Variants in C5orf46 observed in about 807,000 individuals in gnomAD.
The protein encoded by C5orf46 is uncharacterized protein C5orf46.
In C5orf46, 9 loss-of-function variants were observed where a neutral mutation model predicts 8.9. The observed-to-expected ratio is 1.01, with a 90% CI of 0.61 to 1.76. The LOEUF is 1.76. Ranked by LOEUF, C5orf46 falls within the 40% of genes most tolerant of loss-of-function variation. C5orf46 has a pLI of 0.00. For missense variants in C5orf46, 98 were observed against 107.8 expected, an observed-to-expected ratio of 0.91 and a Z score of 0.40; for synonymous variants, 47 against 41.4, an observed-to-expected ratio of 1.14 and a Z score of -0.52.
chr5:147,896,762 C>G lies in C5orf46; in HGVS notation c.*9+222G>C, dbSNP rs150655149. ...GGAATCAGGTCTCCAAACTTGCCAT[C>G]CTTATTCACTTCATCTCACAGCTCT... On this transcript the variant is annotated intron_variant, in intron 3 of 3. Coordinates refer to ENST00000318315, the MANE Select transcript of C5orf46 (RefSeq NM_206966.3). Among the ~76,000 whole-genome samples, 546 of 152,210 alleles carry G rather than the reference C, an allele frequency of 3.6e-3. 4 individuals carry two copies. Among genetic ancestry groups the G allele is most frequent in the African/African-American group, 0.013 (529 of 41,538 alleles).
chr5:147,901,469 G>T, intron 2 of C5orf46, 160 bp downstream of exon 2: 1 of 613,404 alleles, frequency 1.6e-6, no homozygotes, highest in East Asian at 3.0e-5. Context: ...TGATTCAGAT[G>T]CAAAATATAT....
At chr5:147,899,968 ATTC>A (rs760373746) in intron 2 of C5orf46, among the ~76,000 whole-genome samples, 17 of 152,186 alleles carry the variant, frequency 1.1e-4, no homozygotes, top group Non-Finnish European at 2.4e-4. Flanking sequence ...GCGGACAGCA[ATTC>A]TTTAGCATAT....
downstream of C5orf46, among the ~76,000 whole-genome samples, chr5:147,890,002 CCCTTCCTTCT>C (rs1757478839): frequency 6.6e-6 from 1 of 152,156 alleles, no homozygotes; most frequent in Non-Finnish European, 1.5e-5. Flanking sequence ...GGTTGAAATG[CCCTTCCTTCT>C]CCTTCTCCAT....
chr5:147,895,499 TA>T (rs932021023), intron 3 of C5orf46, among the ~76,000 whole-genome samples: 1 of 152,158 alleles, frequency 6.6e-6, no homozygotes, highest in Non-Finnish European at 1.5e-5. Context: ...CTCAGGCAGG[TA>T]AAGTGGCCTG....
chr5:147,891,811 A>C (rs917547000), downstream of C5orf46, among the ~76,000 whole-genome samples: 1 of 152,196 alleles, frequency 6.6e-6, no homozygotes, highest in Non-Finnish European at 1.5e-5. Context: ...GCAGAGTGTG[A>C]GTTGTCTGAA....
At chr5:147,901,575 T>C in intron 2 of C5orf46, 54 bp downstream of exon 2, 4 of 1,548,698 alleles carry the variant, frequency 2.6e-6, no homozygotes, top group Non-Finnish European at 3.5e-6. Context: ...GGTCATTGTG[T>C]GGTCATTATC....
chr5:147,885,994 A>C (rs1034853538), intron 2 of C5orf46: 2 of 152,216 alleles, frequency 1.3e-5, no homozygotes, highest in Non-Finnish European at 2.9e-5. Context: ...ACTATTCAAC[A>C]AAAAAGGAGA....
chr5:147,900,921 G>T (rs755218568), intron 2 of C5orf46, among the ~76,000 whole-genome samples: 26 of 152,172 alleles, frequency 1.7e-4, no homozygotes, highest in Non-Finnish European at 2.8e-4. Context: ...AACTATGTAG[G>T]CAAAAATAAT....
At chr5:147,892,235 A>G (rs538685461), downstream of C5orf46, among the ~76,000 whole-genome samples, 1 of 152,326 alleles carries the variant, frequency 6.6e-6, no homozygotes, top group Non-Finnish European at 1.5e-5. Context: ...GCTGCAGAGG[A>G]TCCACCTCTG....
At chr5:147,901,430 G>A (rs1016001591) in intron 2 of C5orf46, 199 bp downstream of exon 2, 21 of 458,992 alleles carry the variant, frequency 4.6e-5, no homozygotes, top group Non-Finnish European at 6.8e-5. Context: ...TGATGGGAAT[G>A]TCCTTTCCCC....
intron 3 of C5orf46, among the ~76,000 whole-genome samples, chr5:147,893,909 T>A (rs1470542243): frequency 4.1e-5 from 6 of 146,122 alleles, no homozygotes; most frequent in East Asian, 2.0e-4. Flanking sequence ...GAAGGCATAT[T>A]TTTTTTTTTT....
chr5:147,901,850 G>C, intron 1 of C5orf46, 77 bp from the exon 2 acceptor site: 1 of 1,495,336 alleles, frequency 6.7e-7, no homozygotes. Flanking sequence ...GGAACGCTTG[G>C]GATTCTTTCT....
intron 2 of C5orf46, chr5:147,886,656 T>C (rs1045861147): frequency 2.0e-5 from 3 of 151,314 alleles, no homozygotes; most frequent in African/African-American, 2.4e-5. Context: ...CAAACATACA[T>C]GAATGATACA....
chr5:147,899,890 G>A (rs899505141), intron 2 of C5orf46, among the ~76,000 whole-genome samples: 1 of 152,122 alleles, frequency 6.6e-6, no homozygotes, highest in Non-Finnish European at 1.5e-5. Flanking sequence ...ACAGAAAGAA[G>A]GTCATTTACT....
chr5:147,887,990 T>C (rs574314000), downstream of C5orf46, among the ~76,000 whole-genome samples: 1 of 152,276 alleles, frequency 6.6e-6, no homozygotes, highest in South Asian at 2.1e-4. Flanking sequence ...GGTGTCATGG[T>C]CATGGCCCTG....
chr5:147,896,892 G>T (rs374824653), intron 3 of C5orf46, 92 bp downstream of exon 3: 3 of 522,288 alleles, frequency 5.7e-6, no homozygotes, highest in East Asian at 6.7e-5. Flanking sequence ...GTAGACATGG[G>T]TAACCAAAAT....
intron 1 of C5orf46, among the ~76,000 whole-genome samples, chr5:147,903,473 C>T (rs887130068): frequency 6.6e-6 from 1 of 152,174 alleles, no homozygotes; most frequent in Non-Finnish European, 1.5e-5. Flanking sequence ...CAATGTACCC[C>T]TGACTTTGGA....
In C5orf46 at chr5:147,896,966, T is replaced by C. The variant is rs1441818143; in HGVS notation, c.*9+18A>G. The C allele has an allele frequency of 1.8e-5, 24 of 1,368,434 alleles. No individual in the cohort carries two copies. The highest frequency in any genetic ancestry group is 2.3e-5 in the Non-Finnish European group (23 of 979,512). The allele number at this position is 1,368,434 out of a possible 1,614,324, so 84.8% of individuals were successfully genotyped here. ...AATACACTGTTATTTCAGTTGTAAA[T>C]TTTAAGTGAAAAATCACCTGAGGAT... is the stretch of plus-strand genomic sequence containing the variant. On this transcript the variant is annotated intron_variant, in intron 3 of 3. Transcript: ENST00000318315.
intron 2 of C5orf46, chr5:147,886,984 A>C (rs1757429698): frequency 6.6e-6 from 1 of 152,136 alleles, no homozygotes. Flanking sequence ...AGATGGGATT[A>C]GGGACCCAAG....
Sources: allele counts gnomAD v4.1 joint callset (sites outside exome capture counted in the v4.1 genomes callset), GRCh38; gene constraint gnomAD v4.1.1; transcripts MANE v1.5; gene names NCBI Gene and HGNC (gene_info 2026-07-23, HGNC 2026-07-21).